Variants in ADGRL4 observed in about 807,000 individuals in gnomAD.
The protein encoded by ADGRL4 is EGF, latrophilin and seven transmembrane domain containing 1.
Under a neutral mutation model 74.8 loss-of-function variants are expected in ADGRL4, and 90 were observed. The observed-to-expected ratio is 1.20, with a 90% confidence interval of 1.02 to 1.43. The LOEUF is 1.43. Among genes scored for constraint, ADGRL4 ranks in the 40% most tolerant of loss-of-function variants. The pLI, the probability that ADGRL4 is intolerant of heterozygous loss-of-function variation, is 0.00. For synonymous variants in ADGRL4, 311 were observed against 279.2 expected, an observed-to-expected ratio of 1.11 and a Z score of -1.14; for missense variants, 881 against 814.3, an observed-to-expected ratio of 1.08 and a Z score of -1.00.
At chr1:78,996,019 T>A (rs190387949) in intron 2 of ADGRL4, among the ~76,000 whole-genome samples, 1 of 152,312 alleles carries the variant, frequency 6.6e-6, no homozygotes, top group Non-Finnish European at 1.5e-5. Flanking sequence ...GGATAATAGA[T>A]TAATCTAGAA....
intron 6 of ADGRL4, 77 bp downstream of exon 6, chr1:78,937,730 T>G: frequency 1.4e-6 from 2 of 1,386,784 alleles, no homozygotes; most frequent in South Asian, 2.7e-5. Context: ...ACACCATGCC[T>G]CCTAACCCCA....
chr1:78,916,308 C>T (rs1227507567), intron 12 of ADGRL4, among the ~76,000 whole-genome samples: 1 of 151,766 alleles, frequency 6.6e-6, no homozygotes, highest in South Asian at 2.1e-4. Context: ...CTCCACGGAC[C>T]TTTCACTTGT....
At chr1:78,927,168 A>T in intron 7 of ADGRL4, 77 bp from the exon 8 acceptor site, 1 of 941,438 alleles carries the variant, frequency 1.1e-6, no homozygotes, top group Non-Finnish European at 1.6e-6. Context: ...AAACATAAAA[A>T]TTGAATAGAC....
rs565949717 is a variant in ADGRL4, at chr1:78,995,191, T to C, written c.172+9879A>G. Reference sequence around the variant, plus strand: ...TGGATGTAACAGCCTTCTACTTACGTTTAATGGTTCAAGTGACCCCGGTAT... The same window carrying C: ...TGGATGTAACAGCCTTCTACTTACGCTTAATGGTTCAAGTGACCCCGGTAT... On this transcript the variant is annotated intron_variant, in intron 2 of 14. Transcript: ENST00000370742. Among the ~76,000 whole-genome samples the C allele has an allele frequency of 9.2e-5, 14 of 152,252 alleles. No homozygotes were observed. In the South Asian group the frequency reaches 2.9e-3, roughly 32 times the overall value.
chr1:78,977,687 T>C (rs11811821), intron 2 of ADGRL4, among the ~76,000 whole-genome samples: 2,272 of 152,028 alleles, frequency 0.015, 59 homozygotes, highest in African/African-American at 0.052. Flanking sequence ...GTAGTAGTTA[T>C]AGTAGTAGTA....
chr1:78,923,908 A>G (rs1471715562), intron 8 of ADGRL4, among the ~76,000 whole-genome samples: 1 of 151,924 alleles, frequency 6.6e-6, no homozygotes, highest in Non-Finnish European at 1.5e-5. Context: ...GGGAGAGATT[A>G]CCAAGAAATC....
intron 3 of ADGRL4, 50 bp downstream of exon 3, chr1:78,946,224 A>G (rs762883960): frequency 2.0e-6 from 3 of 1,501,054 alleles, no homozygotes; most frequent in South Asian, 2.7e-5. Flanking sequence ...TCTGGAGGTA[A>G]CAAACAATAA....
At chr1:78,917,558 C>T in intron 12 of ADGRL4, 76 bp downstream of exon 12, 1 of 869,264 alleles carries the variant, frequency 1.2e-6, no homozygotes, top group East Asian at 2.7e-5. Flanking sequence ...TAGAATAACA[C>T]CTTATTGCTG....
chr1:78,912,855 T>G (rs544259899), intron 12 of ADGRL4, among the ~76,000 whole-genome samples: 1 of 151,718 alleles, frequency 6.6e-6, no homozygotes, highest in Non-Finnish European at 1.5e-5. Context: ...AGACAACCTA[T>G]GGAATGGAAG....
intron 6 of ADGRL4, 28 bp from the exon 7 acceptor site, chr1:78,936,439 A>T: frequency 6.5e-7 from 1 of 1,534,678 alleles, no homozygotes; most frequent in East Asian, 2.3e-5. Context: ...AAATAAAAAA[A>T]GTGAAATTAC....
chr1:78,895,580 G>C (rs965563896), intron 12 of ADGRL4, among the ~76,000 whole-genome samples: 1 of 152,056 alleles, frequency 6.6e-6, no homozygotes, highest in Non-Finnish European at 1.5e-5. Flanking sequence ...AATCAGTTAT[G>C]ATGCATTAGT....
chr1:79,003,786 T>C (rs563933403), intron 2 of ADGRL4, among the ~76,000 whole-genome samples: 4 of 152,190 alleles, frequency 2.6e-5, no homozygotes, highest in African/African-American at 9.6e-5. Context: ...AAAAGCACAT[T>C]AATTTGTGAG....
At chr1:78,945,292 T>TA (rs1649575272) in intron 3 of ADGRL4, among the ~76,000 whole-genome samples, 1 of 151,658 alleles carries the variant, frequency 6.6e-6, no homozygotes, top group Non-Finnish European at 1.5e-5. Flanking sequence ...AGCAGCGCAT[T>TA]ACCCTTCTCT....
At position 79,005,210 on chromosome 1, in the gene ADGRL4, GA is replaced by G; in HGVS notation, c.31del (p.Ser11ProfsTer4). Reference sequence around the variant, plus strand: ...AGTATAGGAACAATTCAACAAAGTGGAAAAAACCACTAAATAAAATAGAGAA... The same window carrying G: ...AGTATAGGAACAATTCAACAAAGTGGAAAAACCACTAAATAAAATAGAGAA... MKRLPLLVVF[S>X]TLLNCSYTQN... On this transcript the variant is annotated frameshift_variant, in exon 2 of 15. Coordinates refer to ENST00000370742, the MANE Select transcript of ADGRL4 (RefSeq NM_022159.4). LOFTEE classifies it high-confidence loss of function. The G allele has an allele frequency of 6.3e-7, 1 of 1,599,632 alleles. No individual in the cohort carries two copies. Among genetic ancestry groups the G allele is most frequent in the Admixed American group, 1.8e-5 (1 of 57,098 alleles).
intron 12 of ADGRL4, among the ~76,000 whole-genome samples, chr1:78,899,087 A>T (rs1648462769): frequency 6.6e-6 from 1 of 152,186 alleles, no homozygotes; most frequent in Admixed American, 6.5e-5. Context: ...ATCGAAAAAA[A>T]TGAAAAGATT....
chr1:78,939,737 A>G (rs1324712599), intron 3 of ADGRL4: 1 of 152,718 alleles, frequency 6.5e-6, no homozygotes, highest in African/African-American at 2.4e-5. Flanking sequence ...TATACCCACC[A>G]TTCACATTTT....
At chr1:78,897,485 T>C (rs897442522) in intron 12 of ADGRL4, among the ~76,000 whole-genome samples, 1 of 152,124 alleles carries the variant, frequency 6.6e-6, no homozygotes, top group African/African-American at 2.4e-5. Flanking sequence ...TCAGTAATTA[T>C]TCCATTACCC....
At chr1:78,897,554 C>T (rs1408423344) in intron 12 of ADGRL4, among the ~76,000 whole-genome samples, 1 of 152,094 alleles carries the variant, frequency 6.6e-6, no homozygotes, top group African/African-American at 2.4e-5. Flanking sequence ...TCTGCCTCTC[C>T]CCTGCCATAG....
chr1:78,989,430 A>G (rs1211382520), intron 2 of ADGRL4, among the ~76,000 whole-genome samples: 1 of 151,920 alleles, frequency 6.6e-6, no homozygotes, highest in Admixed American at 6.6e-5. Flanking sequence ...TATTCTTTAA[A>G]GAACGCTTAC....
Sources: gnomAD v4.1 joint callset for allele counts (sites outside exome capture counted in the v4.1 genomes callset) on GRCh38, gnomAD v4.1.1 for gene constraint, MANE v1.5 for transcripts, NCBI Gene and HGNC (gene_info 2026-07-23, HGNC 2026-07-21) for gene names.